MIB1: variants seen among roughly 807,000 people sequenced by gnomAD.
MIB1 encodes the protein E3 ubiquitin-protein ligase MIB1.
A neutral mutation model predicts 124.5 loss-of-function variants in MIB1; 278 were observed. That is an observed-to-expected ratio of 2.23 (90% CI 2.02 to 2.47). The LOEUF is 2.47. Ranked by LOEUF, MIB1 falls within the 30% of genes most tolerant of loss-of-function variation. The pLI, the probability that MIB1 is intolerant of heterozygous loss-of-function variation, is 0.00. For missense variants in MIB1, 957 were observed against 1,254.4 expected (o/e 0.76, Z 3.58); for synonymous variants, 446 against 429.4 (o/e 1.04, Z -0.48).
At chr18:21,783,368 G>A (rs1008882961) in intron 6 of MIB1, among the ~76,000 whole-genome samples, 19 of 151,602 alleles carry the variant, frequency 1.3e-4, no homozygotes, top group African/African-American at 3.9e-4. Context: ...TCAGCCTTCC[G>A]AGTAGCTGGG....
intron 1 of MIB1, among the ~76,000 whole-genome samples, chr18:21,721,428 G>A (rs186776700): frequency 7.9e-5 from 12 of 151,986 alleles, no homozygotes; most frequent in Middle Eastern, 3.4e-3. Context: ...TGATCTGCCC[G>A]CCTCAGCCTC....
chr18:21,862,188 C>T (rs774328649), intron 20 of MIB1, among the ~76,000 whole-genome samples: 4 of 93,584 alleles, frequency 4.3e-5, no homozygotes, highest in Admixed American at 1.4e-4. Context: ...TGAGCTACCG[C>T]GCCTGGCCGG....
At chr18:21,831,174 A>G (rs1001672290) in intron 12 of MIB1, 8 of 147,724 alleles carry the variant, frequency 5.4e-5, no homozygotes, top group Admixed American at 4.8e-4. Flanking sequence ...GTAAACATTC[A>G]CCCTGTTTTT....
chr18:21,815,359 T>C (rs2041820740), intron 10 of MIB1, among the ~76,000 whole-genome samples: 1 of 151,896 alleles, frequency 6.6e-6, no homozygotes, highest in South Asian at 2.1e-4. Flanking sequence ...GATCTTGCTA[T>C]GTTGCCCAGA....
intron 6 of MIB1, among the ~76,000 whole-genome samples, chr18:21,786,533 C>G (rs1190129505): frequency 6.6e-6 from 1 of 151,864 alleles, no homozygotes; most frequent in Admixed American, 6.6e-5. Context: ...GAATAAGCTT[C>G]TTACCCCTTG....
In MIB1 at chr18:21,765,778, A is replaced by T; in HGVS notation, c.236A>T (p.Lys79Met). 6.2e-7 allele frequency: 1 copy of T among 1,613,856 alleles called. No individual in the cohort carries two copies. Among genetic ancestry groups the T allele is most frequent in the Non-Finnish European group, 8.5e-7 (1 of 1,179,782 alleles). ...TGTGTCCTTGTTTTAATAGGCATCA[A>T]GCATGATGGAACCATGTGTGATACC... Reference protein sequence around the residue: ...RILDSAPTGIKHDGTMCDTCR... With the variant: ...RILDSAPTGIMHDGTMCDTCR... The change falls in exon 2 of 21, where the codon AAG (lysine) becomes ATG (methionine). Residue 79 changes from lysine (K) to methionine (M), a missense_variant. Coordinates refer to ENST00000261537, the MANE Select transcript of MIB1 (RefSeq NM_020774.4).
At chr18:21,711,254 C>T (rs963519505) in intron 1 of MIB1, among the ~76,000 whole-genome samples, 1 of 152,088 alleles carries the variant, frequency 6.6e-6, no homozygotes, top group African/African-American at 2.4e-5. Context: ...AAAGATTTTC[C>T]AGACCCCACA....
chr18:21,849,084 T>A (rs1385995822), intron 16 of MIB1, 112 bp from the exon 17 acceptor site: 2 of 678,278 alleles, frequency 2.9e-6, no homozygotes, highest in Non-Finnish European at 2.3e-6. Flanking sequence ...CTTAATTTTT[T>A]AATATGACTA....
At chr18:21,777,781 C>T (rs1040152797) in intron 4 of MIB1, among the ~76,000 whole-genome samples, 1 of 152,158 alleles carries the variant, frequency 6.6e-6, no homozygotes, top group Admixed American at 6.5e-5. Flanking sequence ...TGGTTTTGAA[C>T]TCCTGACCTC....
intron 1 of MIB1, among the ~76,000 whole-genome samples, chr18:21,759,902 G>A (rs1023608066): frequency 1.3e-5 from 2 of 152,012 alleles, no homozygotes; most frequent in Admixed American, 6.6e-5. Flanking sequence ...TTGATCTTAA[G>A]CAACATGTTT....
rs1401397132 is a variant in MIB1, at chr18:21,798,134, A to G, written c.1143A>G (p.Leu381=). 1 of 1,613,342 alleles carries G rather than the reference A, an allele frequency of 6.2e-7. No homozygotes were observed. Among genetic ancestry groups the G allele is most frequent in the Admixed American group, 1.7e-5 (1 of 59,948 alleles). ...AACAGATTTATTCAGACAGTGATTT[A>G]AAGGTGGAAGTTTGTGGAACATCTT... ...RVQQIYSDSD[L]KVEVCGTSWT... Residue 381 remains leucine (L), a synonymous_variant, in exon 8 of 21, where the codon TTA becomes TTG. Transcript: ENST00000261537.
chr18:21,745,762 A>C (rs970842412), intron 1 of MIB1, among the ~76,000 whole-genome samples: 8 of 152,044 alleles, frequency 5.3e-5, no homozygotes, highest in Non-Finnish European at 1.2e-4. Flanking sequence ...GCTGGAATGC[A>C]GTGGTGTGAC....
chr18:21,724,029 T>C (rs2040726638), intron 1 of MIB1: 1 of 152,208 alleles, frequency 6.6e-6, no homozygotes, highest in African/African-American at 2.4e-5. Flanking sequence ...TTATGTGAAC[T>C]CCCTCAGGGA....
intron 1 of MIB1, among the ~76,000 whole-genome samples, chr18:21,764,229 C>T (rs2041130734): frequency 6.6e-6 from 1 of 151,836 alleles, no homozygotes; most frequent in Non-Finnish European, 1.5e-5. Flanking sequence ...GTGTTCGTTC[C>T]CTTCCTCCTT....
chr18:21,721,160 T>TTTTTG, intron 1 of MIB1, among the ~76,000 whole-genome samples: 1 of 51,744 alleles, frequency 1.9e-5, no homozygotes, highest in African/African-American at 1.6e-4. Flanking sequence ...TTTAAAGAAG[T>TTTTTG]TTTTTTTTTT....
chr18:21,734,019 A>G (rs2040783798), intron 1 of MIB1, among the ~76,000 whole-genome samples: 1 of 152,148 alleles, frequency 6.6e-6, no homozygotes, highest in African/African-American at 2.4e-5. Context: ...GTCCCCATAA[A>G]CGTCTCATTA....
intron 6 of MIB1, among the ~76,000 whole-genome samples, chr18:21,790,321 A>T (rs2041487595): frequency 6.6e-6 from 1 of 152,248 alleles, no homozygotes; most frequent in African/African-American, 2.4e-5. Context: ...ACAGTACTGT[A>T]CATATTGGTG....
chr18:21,823,550 G>C (rs781315498), intron 12 of MIB1, among the ~76,000 whole-genome samples: 3 of 152,128 alleles, frequency 2.0e-5, no homozygotes, highest in Non-Finnish European at 2.9e-5. Context: ...TATGAGTCTA[G>C]ATTTCAAAGC....
intron 1 of MIB1, among the ~76,000 whole-genome samples, chr18:21,753,506 TAAATG>T (rs1267898538): frequency 6.6e-6 from 1 of 152,148 alleles, no homozygotes; most frequent in Non-Finnish European, 1.5e-5. Flanking sequence ...TTTTTTTTGT[TAAATG>T]AGATGAGACC....
Sources: allele counts gnomAD v4.1 joint callset (sites outside exome capture counted in the v4.1 genomes callset), GRCh38; gene constraint gnomAD v4.1.1; transcripts MANE v1.5; gene names NCBI Gene and HGNC (gene_info 2026-07-23, HGNC 2026-07-21).